Variants in KIAA0040 observed in about 807,000 individuals in gnomAD.
KIAA0040 encodes the protein uncharacterized protein KIAA0040.
A neutral mutation model predicts 7.2 loss-of-function variants in KIAA0040; 10 were observed. The observed-to-expected ratio is 1.38, with a 90% confidence interval of 0.85 to 2.34. The LOEUF is 2.34. KIAA0040 is among the 30% of genes most tolerant of loss of function. The pLI is 0.00. For missense variants in KIAA0040, 89 were observed against 108.2 expected (o/e 0.82, Z 0.79); for synonymous variants, 49 against 40.1 (o/e 1.22, Z -0.84).
chr1:175,163,839 A>G (rs1676647419), intron 3 of KIAA0040, among the ~76,000 whole-genome samples: 1 of 152,206 alleles, frequency 6.6e-6, no homozygotes, highest in African/African-American at 2.4e-5. Context: ...GATGGGTAAC[A>G]GGGGCCCCTC....
chr1:175,157,999 G>A lies in KIAA0040; in HGVS notation c.*2715C>T, dbSNP rs75007426. 9,335 of 152,592 alleles carry A rather than the reference G, an allele frequency of 0.061. 351 individuals are homozygous for A. The highest frequency in any genetic ancestry group is 0.087 in the Non-Finnish European group (5,963 of 68,278). The allele number at this position is 152,592 out of a possible 1,614,324, so 9.5% of individuals were successfully genotyped here. ...TGGAGAGGAATAAAGGGCTGGGGCT[G>A]GTCTGGTGCAGGCAGAAGAGGGAAT... On this transcript the variant is annotated 3_prime_UTR_variant, in exon 4 of 4. Coordinates refer to ENST00000423313, the MANE Select transcript of KIAA0040 (RefSeq NM_014656.3).
rs572335626 is a variant in KIAA0040 at position 175,165,511 on chromosome 1, C to T, written c.-134+1051G>A. ...CTATTGCCAAAGAACCATGGGTCCC[C>T]ACCGCATTGAAATGAAAAGGTCTTC... is the stretch of plus-strand genomic sequence containing the variant. On this transcript the variant is annotated intron_variant, in intron 3 of 3. Coordinates refer to ENST00000423313, the MANE Select transcript of KIAA0040 (RefSeq NM_014656.3). Among the ~76,000 whole-genome samples the T allele has an allele frequency of 2.0e-5, 3 of 152,326 alleles. No homozygotes were observed. In the East Asian group the frequency reaches 5.8e-4, roughly 29 times the overall value.
intron 2 of KIAA0040, among the ~76,000 whole-genome samples, chr1:175,171,517 G>T (rs997568540): frequency 2.6e-5 from 4 of 152,190 alleles, no homozygotes. Flanking sequence ...AAGAACCAAA[G>T]GGCATAGAAA....
chr1:175,161,315 T>C (rs1329323931), intron 3 of KIAA0040, among the ~76,000 whole-genome samples, 169 bp from the exon 4 acceptor site: 4 of 152,248 alleles, frequency 2.6e-5, no homozygotes, highest in Non-Finnish European at 5.9e-5. Context: ...ATGTAATCAA[T>C]AAGCATCAAC....
In KIAA0040 at chr1:175,160,359, T is replaced by C; in HGVS notation, c.*355A>G. The C allele has an allele frequency of 4.4e-6, 1 of 229,110 alleles. No individual in the cohort carries two copies. The highest frequency in any genetic ancestry group is 9.6e-5 in the South Asian group (1 of 10,434). The allele number at this position is 229,110 out of a possible 1,614,324, so 14.2% of individuals were successfully genotyped here. On this transcript the variant is annotated 3_prime_UTR_variant, in exon 4 of 4. Transcript: ENST00000423313. ...CACGTACCTGCTACCTGAATTTGTG[T>C]GTGTGTGTGTTACGTGCATGTGCAC...
Position 175,159,287 on chromosome 1 carries a change from G to T in KIAA0040, c.*1427C>A. On this transcript the variant is annotated 3_prime_UTR_variant, in exon 4 of 4. Coordinates refer to ENST00000423313, the MANE Select transcript of KIAA0040 (RefSeq NM_014656.3). ...AGCTCACTGTGGATCTAATTTACAT[G>T]TCCTCACATACCTCAAGGCACATGT... The T allele has an allele frequency of 6.6e-6, 1 of 152,376 alleles. No homozygotes were observed. The allele number at this position is 152,376 out of a possible 1,614,324, so 9.4% of individuals were successfully genotyped here. A position where few individuals can be genotyped will look rare whatever the true frequency, so the allele number is the denominator to read the frequency against.
chr1:175,157,580 G>C lies in KIAA0040; in HGVS notation c.*3134C>G, dbSNP rs893508030. 1 of 152,082 alleles carries C rather than the reference G, an allele frequency of 6.6e-6. No homozygotes were observed. Among genetic ancestry groups the C allele is most frequent in the African/African-American group, 2.4e-5 (1 of 41,404 alleles). 9.4% of individuals were successfully genotyped at this position (152,082 alleles called of 1,614,324 possible). A position where few individuals can be genotyped will look rare whatever the true frequency, so the allele number is the denominator to read the frequency against. On this transcript the variant is annotated 3_prime_UTR_variant, in exon 4 of 4. Transcript: ENST00000423313. ...ATTTAAATAAATTTTTCTTTTGTGT[G>C]TGTTTGAATTTTACAGAAAAAAATA...
At chr1:175,174,026 C>T (rs2101892803) in intron 2 of KIAA0040, among the ~76,000 whole-genome samples, 1 of 140,588 alleles carries the variant, frequency 7.1e-6, no homozygotes, top group South Asian at 2.4e-4. Flanking sequence ...TCCCCATTCC[C>T]CGACCCCACA....
intron 2 of KIAA0040, among the ~76,000 whole-genome samples, chr1:175,168,786 G>A (rs1490778843): frequency 1.3e-5 from 2 of 152,168 alleles, no homozygotes; most frequent in African/African-American, 4.8e-5. Context: ...TTTGCAAGAT[G>A]CCCACCATAT....
chr1:175,191,516 A>C (rs746368012), intron 1 of KIAA0040, among the ~76,000 whole-genome samples: 2 of 152,252 alleles, frequency 1.3e-5, no homozygotes, highest in Non-Finnish European at 2.9e-5. Context: ...CACTGGGTGA[A>C]GGGCAGGCAC....
At chr1:175,165,619 C>T (rs759652017) in intron 3 of KIAA0040, among the ~76,000 whole-genome samples, 10 of 152,188 alleles carry the variant, frequency 6.6e-5, no homozygotes, top group African/African-American at 1.4e-4. Context: ...AGATGGAGAG[C>T]GGTCGCTTGG....
chr1:175,175,016 A>C (rs1226713009), intron 2 of KIAA0040, among the ~76,000 whole-genome samples: 1 of 152,174 alleles, frequency 6.6e-6, no homozygotes, highest in East Asian at 1.9e-4. Context: ...CCAGAAGCCG[A>C]GGCTCTGAGG....
intron 2 of KIAA0040, among the ~76,000 whole-genome samples, chr1:175,167,096 C>T (rs760367606): frequency 2.6e-5 from 4 of 151,946 alleles, no homozygotes; most frequent in Admixed American, 1.3e-4. Flanking sequence ...CAAGACCCCA[C>T]GATGCTATGA....
intron 1 of KIAA0040, among the ~76,000 whole-genome samples, chr1:175,179,456 TA>T (rs1040425435): frequency 6.6e-6 from 1 of 152,140 alleles, no homozygotes; most frequent in Non-Finnish European, 1.5e-5. Context: ...ATACCACAAT[TA>T]AAAAAACTTT....
intron 2 of KIAA0040, among the ~76,000 whole-genome samples, chr1:175,173,873 C>T (rs1269134822): frequency 6.6e-6 from 1 of 152,190 alleles, no homozygotes; most frequent in East Asian, 1.9e-4. Context: ...TATGTCCAAC[C>T]CACAGGCACT....
At chr1:175,162,048 G>A (rs1328860801) in intron 3 of KIAA0040, among the ~76,000 whole-genome samples, 1 of 151,994 alleles carries the variant, frequency 6.6e-6, no homozygotes, top group Non-Finnish European at 1.5e-5. Flanking sequence ...ATACAGCTGG[G>A]GCCATTCTCC....
At chr1:175,176,744 C>T (rs1677215731) in intron 2 of KIAA0040, among the ~76,000 whole-genome samples, 1 of 114,582 alleles carries the variant, frequency 8.7e-6, no homozygotes, top group African/African-American at 3.2e-5. Context: ...ATATGCTTAG[C>T]CTCATCATGT....
At chr1:175,163,842 G>T (rs1355585517) in intron 3 of KIAA0040, among the ~76,000 whole-genome samples, 1 of 152,174 alleles carries the variant, frequency 6.6e-6, no homozygotes, top group East Asian at 1.9e-4. Flanking sequence ...GGGTAACAGG[G>T]GCCCCTCTGG....
chr1:175,183,277 G>A (rs1677515761), intron 1 of KIAA0040, among the ~76,000 whole-genome samples: 1 of 152,216 alleles, frequency 6.6e-6, no homozygotes, highest in East Asian at 1.9e-4. Flanking sequence ...GTCTGGTTCA[G>A]TGCTGGCACA....
Sources: allele counts gnomAD v4.1 joint callset (sites outside exome capture counted in the v4.1 genomes callset), GRCh38; gene constraint gnomAD v4.1.1; transcripts MANE v1.5; gene names NCBI Gene and HGNC (gene_info 2026-07-23, HGNC 2026-07-21).